Variants in COG2 observed in about 807,000 individuals in gnomAD.
The protein encoded by COG2 is component of oligomeric golgi complex 2, also known as conserved oligomeric Golgi complex subunit 2.
A neutral mutation model predicts 90.6 loss-of-function variants in COG2; 52 were observed. The ratio of observed to expected loss-of-function variants is 0.57; its 90% CI spans 0.46 to 0.72. The LOEUF is 0.72. Among genes scored for constraint, COG2 ranks in the 30% least tolerant of loss-of-function variants. The probability of loss-of-function intolerance (pLI) is 0.00; values close to 1 mark genes in which losing one functional copy is unlikely to be tolerated. For missense variants in COG2, 829 were observed against 891.2 expected, an observed-to-expected ratio of 0.93 and a Z score of 0.89; for synonymous variants, 337 against 320.4, an observed-to-expected ratio of 1.05 and a Z score of -0.55.
chr1:230,663,071 A>C (rs1571949262), intron 3 of COG2, 70 bp from the exon 4 acceptor site: 1 of 1,303,136 alleles, frequency 7.7e-7, no homozygotes. Flanking sequence ...TGTGGAATTG[A>C]ATTAAATGTG....
intron 14 of COG2, 67 bp from the exon 15 acceptor site, chr1:230,688,353 G>A: frequency 6.4e-7 from 1 of 1,563,494 alleles, no homozygotes; most frequent in Non-Finnish European, 8.8e-7. Flanking sequence ...TGCTGTGACA[G>A]TATTTCAAAT....
intron 4 of COG2, 28 bp from the exon 5 acceptor site, chr1:230,664,456 A>G (rs1440609088): frequency 3.0e-6 from 3 of 997,714 alleles, no homozygotes; most frequent in East Asian, 5.3e-5. Context: ...ACATGACAAT[A>G]ACTTTTTTCC....
chr1:230,644,927 A>G (rs766609659), intron 1 of COG2, among the ~76,000 whole-genome samples: 93 of 152,194 alleles, frequency 6.1e-4, no homozygotes, highest in Non-Finnish European at 1.1e-3. Flanking sequence ...AGTTTGTGGA[A>G]AATATTACGT....
At position 230,658,124 on chromosome 1, in the gene COG2, T is replaced by G. The variant is rs538479696; in HGVS notation, c.73-1340T>G. Among the ~76,000 whole-genome samples the G allele has an allele frequency of 6.6e-5, 10 of 152,266 alleles. No individual in the cohort carries two copies. The East Asian group carries it at 1.9e-3, about 30-fold the overall frequency. Reference sequence around the variant, plus strand: ...TTGTTCCCTTGCTGGTGAGGAGTTGTGATCCTTTGGAGGTGAAGAGGCCTT... The same window carrying G: ...TTGTTCCCTTGCTGGTGAGGAGTTGGGATCCTTTGGAGGTGAAGAGGCCTT... On this transcript the variant is annotated intron_variant, in intron 1 of 17. Transcript: ENST00000366669.
intron 17 of COG2, chr1:230,691,859 C>T: frequency 3.3e-6 from 1 of 304,132 alleles, no homozygotes; most frequent in Non-Finnish European, 6.1e-6. Context: ...ACTTTTTGGT[C>T]CAGTGCCTGA....
chr1:230,675,160 G>A, intron 9 of COG2, 36 bp downstream of exon 9: 4 of 1,588,996 alleles, frequency 2.5e-6, no homozygotes, highest in Non-Finnish European at 2.6e-6. Context: ...TCTTGAAGAT[G>A]TTAACCGGAG....
At chr1:230,672,505 T>A (rs1571954657) in intron 8 of COG2, among the ~76,000 whole-genome samples, 1 of 152,068 alleles carries the variant, frequency 6.6e-6, no homozygotes, top group Non-Finnish European at 1.5e-5. Context: ...CCTCTCCACA[T>A]GAAGCTCCAG....
At chr1:230,681,332 A>G (rs1662743114) in intron 10 of COG2, 1 of 152,238 alleles carries the variant, frequency 6.6e-6, no homozygotes, top group African/African-American at 2.4e-5. Context: ...ATTCACATGT[A>G]TATACTGTAT....
In COG2 at chr1:230,660,703, T is replaced by C. The variant is rs1662160479; in HGVS notation, c.235-55T>C. 31 of 1,239,896 alleles carry C rather than the reference T, an allele frequency of 2.5e-5. No individual in the cohort carries two copies. In the South Asian group the frequency reaches 4.5e-4, roughly 18 times the overall value. The allele number at this position is 1,239,896 out of a possible 1,614,324, so 76.8% of individuals were successfully genotyped here. ...ACTACATTGATCATTAAATGGATAC[T>C]TAGCTGTTACTCTTGATTGTGAGGT... On this transcript the variant is annotated intron_variant, in intron 2 of 17. Transcript: ENST00000366669.
At chr1:230,652,062 G>A (rs1173319349) in intron 1 of COG2, among the ~76,000 whole-genome samples, 1 of 152,108 alleles carries the variant, frequency 6.6e-6, no homozygotes, top group Admixed American at 6.5e-5. Context: ...CATTCTTTGT[G>A]TTCTACATTC....
intron 11 of COG2, 45 bp from the exon 12 acceptor site, chr1:230,685,040 T>A (rs1662853718): frequency 6.2e-7 from 1 of 1,606,652 alleles, no homozygotes. Context: ...AGCCTAAAAT[T>A]GCCTGAAATT....
At chr1:230,672,190 T>G (rs1040458661) in intron 8 of COG2, among the ~76,000 whole-genome samples, 3 of 152,146 alleles carry the variant, frequency 2.0e-5, no homozygotes, top group Non-Finnish European at 4.4e-5. Flanking sequence ...AGTCTCTCCC[T>G]CTCTAGTCTA....
At chr1:230,659,442 C>T (rs1229301738) in intron 1 of COG2, 22 bp from the exon 2 acceptor site, 2 of 1,602,758 alleles carry the variant, frequency 1.2e-6, no homozygotes, top group South Asian at 2.2e-5. Flanking sequence ...ATAATTTTTT[C>T]TTCTCTGGTT....
chr1:230,691,647 C>A, intron 17 of COG2, 83 bp downstream of exon 17: 1 of 1,273,856 alleles, frequency 7.9e-7, no homozygotes, highest in Non-Finnish European at 1.1e-6. Flanking sequence ...CTCGCGTGAT[C>A]CCAGAGATGC....
At position 230,675,113 on chromosome 1, in the gene COG2, G is replaced by A; in HGVS notation, c.1015G>A (p.Ala339Thr). The A allele has an allele frequency of 6.2e-7, 1 of 1,611,438 alleles. No homozygotes were observed. The highest frequency in any genetic ancestry group is 8.5e-7 in the Non-Finnish European group (1 of 1,178,816). The change falls in exon 9 of 18, where the codon GCA becomes ACA. Residue 339 changes from alanine to threonine, a missense_variant. Coordinates refer to ENST00000366669, the MANE Select transcript of COG2 (RefSeq NM_007357.3). ...GCTTTTTAATCCTGGGAATCCCGAT[G>A]CATTTCATGAGGTATCTCCCCGCCC... ...PSLFNPGNPD[A>T]FHEKYTISMD... is the part of the protein sequence containing the mutation.
At chr1:230,653,233 T>G (rs1186973047) in intron 1 of COG2, among the ~76,000 whole-genome samples, 6 of 151,670 alleles carry the variant, frequency 4.0e-5, no homozygotes, top group Admixed American at 1.3e-4. Flanking sequence ...TTTTTTTTTT[T>G]TTGGGGAGAC....
intron 1 of COG2, among the ~76,000 whole-genome samples, chr1:230,647,822 C>T (rs1661825652): frequency 6.6e-6 from 1 of 151,024 alleles, no homozygotes; most frequent in African/African-American, 2.4e-5. Flanking sequence ...TTTTTATTTG[C>T]ATTACTTTTT....
At chr1:230,659,368 C>T (rs1027005998) in intron 1 of COG2, 96 bp from the exon 2 acceptor site, 75 of 988,180 alleles carry the variant, frequency 7.6e-5, no homozygotes, top group Admixed American at 1.2e-4. Flanking sequence ...TTGTAAATGA[C>T]GGGAATGGGC....
chr1:230,675,846 G>A (rs1439936620), intron 9 of COG2, among the ~76,000 whole-genome samples: 1 of 151,838 alleles, frequency 6.6e-6, no homozygotes, highest in Non-Finnish European at 1.5e-5. Flanking sequence ...TGTGGAGATG[G>A]GTCTCACTAT....
Sources: allele counts gnomAD v4.1 joint callset (sites outside exome capture counted in the v4.1 genomes callset), GRCh38; gene constraint gnomAD v4.1.1; transcripts MANE v1.5; gene names NCBI Gene and HGNC (gene_info 2026-07-23, HGNC 2026-07-21).